METTL13: variants seen among roughly 807,000 people sequenced by gnomAD.
METTL13 encodes eEF1A lysine and N-terminal methyltransferase.
Under a neutral mutation model 67.4 loss-of-function variants are expected in METTL13, and 52 were observed. The observed-to-expected ratio is 0.77, with a 90% CI of 0.62 to 0.97. The LOEUF (loss-of-function observed/expected upper bound fraction) is 0.97, where lower values mean the gene tolerates loss of function less well. Ranked by LOEUF, METTL13 falls within the 50% of genes least tolerant of loss-of-function variation. The pLI, the probability that METTL13 is intolerant of heterozygous loss-of-function variation, is 0.00. For synonymous variants in METTL13, 354 were observed against 353.6 expected (o/e 1.00, Z -0.01); for missense variants, 825 against 889.6 (o/e 0.93, Z 0.92).
chr1:171,784,610 T>G (rs1476064021), intron 2 of METTL13, 111 bp downstream of exon 2: 1 of 1,324,938 alleles, frequency 7.5e-7, no homozygotes, highest in Non-Finnish European at 9.8e-7. Context: ...GATTCTGGAC[T>G]GTTTTTTGTC....
At chr1:171,782,192 TTGG>T in intron 1 of METTL13, 72 bp downstream of exon 1, 5 of 1,348,632 alleles carry the variant, frequency 3.7e-6, no homozygotes, top group Middle Eastern at 2.2e-4. Context: ...AATCTTGCAC[TTGG>T]TGGACAGTGA....
At chr1:171,794,625 T>G in intron 7 of METTL13, 98 bp downstream of exon 7, 1 of 1,529,912 alleles carries the variant, frequency 6.5e-7, no homozygotes, top group South Asian at 1.2e-5. Context: ...GCTCGATCAA[T>G]TTTTCCAAAT....
rs543058788 is a variant in METTL13 at position 171,781,756 on chromosome 1, G to A, written c.-212G>A. The A allele has an allele frequency of 1.8e-4, 254 of 1,380,074 alleles. No homozygotes were observed. In the African/African-American group the frequency reaches 3.3e-3, roughly 18 times the overall value. The allele number at this position is 1,380,074 out of a possible 1,614,324, so 85.5% of individuals were successfully genotyped here. ...ACAGCAGGCGCGGAGGAGGGGGCAA[G>A]CGTGTGTGAGATTCAGTGGTCCATG... is the stretch of plus-strand genomic sequence containing the variant. On this transcript the variant is annotated 5_prime_UTR_variant, in exon 1 of 8. Transcript: ENST00000361735.
At chr1:171,783,612 C>A in intron 1 of METTL13, 128 bp from the exon 2 acceptor site, 2 of 1,085,610 alleles carry the variant, frequency 1.8e-6, no homozygotes, top group Non-Finnish European at 1.3e-6. Context: ...GTCGCTCTTT[C>A]TCTGGCAGTA....
chr1:171,788,371 G>A (rs1044613418), intron 4 of METTL13, among the ~76,000 whole-genome samples: 5 of 152,234 alleles, frequency 3.3e-5, no homozygotes, highest in African/African-American at 1.2e-4. Context: ...AACTGCCTGT[G>A]ATGAAGGAGA....
At chr1:171,786,533 G>A (rs1329567075) in intron 3 of METTL13, among the ~76,000 whole-genome samples, 4 of 152,220 alleles carry the variant, frequency 2.6e-5, no homozygotes, top group African/African-American at 9.6e-5. Flanking sequence ...GAAGGAAACC[G>A]AAGGTTTTTG....
intron 2 of METTL13, 107 bp from the exon 3 acceptor site, chr1:171,785,772 G>A (rs567144894): frequency 1.8e-6 from 2 of 1,140,734 alleles, no homozygotes; most frequent in South Asian, 2.9e-5. Context: ...TCACAGTTGG[G>A]GAAGATGCTG....
rs371404027 is a variant in METTL13, at chr1:171,784,023, T to A, written c.437T>A (p.Val146Asp). The A allele has an allele frequency of 6.2e-7, 1 of 1,614,016 alleles. No individual in the cohort carries two copies. The highest frequency in any genetic ancestry group is 8.5e-7 in the Non-Finnish European group (1 of 1,180,026). ...LQQVDRMLAE[V>D]GRVLQVGGRY... ...CAGGTGGACAGGATGCTGGCTGAGG[T>A]TGGCCGTGTCCTGCAGGTGGGCGGT... The change falls in exon 2 of 8, where the codon GTT becomes GAT. Residue 146 changes from valine to aspartate, a missense_variant. Transcript: ENST00000361735.
chr1:171,794,258 G>C, intron 6 of METTL13, 138 bp from the exon 7 acceptor site: 1 of 1,314,054 alleles, frequency 7.6e-7, no homozygotes, highest in Non-Finnish European at 1.0e-6. Context: ...TGCCCTTACA[G>C]GCAAACCACA....
chr1:171,786,019 G>A lies in METTL13; in HGVS notation c.1054G>A (p.Ala352Thr). ...QQYESMDHIQ[A>T]ELSARVMELA... is the part of the protein sequence containing the mutation. Reference sequence around the variant, plus strand: ...GTATGAAAGCATGGACCACATCCAAGCTGAGCTGTCGGCTAGAGTCATGGA... The same window carrying A: ...GTATGAAAGCATGGACCACATCCAAACTGAGCTGTCGGCTAGAGTCATGGA... The change falls in exon 3 of 8, where the codon GCT (alanine) becomes ACT (threonine). Residue 352 changes from alanine to threonine, a missense_variant. Transcript: ENST00000361735. The A allele has an allele frequency of 6.2e-7, 1 of 1,614,028 alleles. No homozygotes were observed. The highest frequency in any genetic ancestry group is 8.5e-7 in the Non-Finnish European group (1 of 1,179,946).
At chr1:171,795,842 C>T (rs548014767) in intron 7 of METTL13, among the ~76,000 whole-genome samples, 51 of 152,278 alleles carry the variant, frequency 3.3e-4, no homozygotes, top group African/African-American at 1.2e-3. Flanking sequence ...GTAAATTTTA[C>T]TTTCGTAGGG....
Position 171,782,858 on chromosome 1 carries a change from A to G in METTL13, c.153+738A>G, listed in dbSNP as rs7512123. Among the ~76,000 whole-genome samples, 520 of 152,300 alleles carry G rather than the reference A, an allele frequency of 3.4e-3. 3 individuals carry two copies. Among genetic ancestry groups the G allele is most frequent in the Non-Finnish European group, 5.2e-3 (352 of 68,022 alleles). On this transcript the variant is annotated intron_variant, in intron 1 of 7. Transcript: ENST00000361735. ...GAAGTGAAACGTGATAAGTACAACA[A>G]TGGGTTTGGTATAGGTGAGATTGTA... is the stretch of plus-strand genomic sequence containing the variant.
chr1:171,792,275 A>C, intron 6 of METTL13, 40 bp downstream of exon 6: 1 of 1,608,316 alleles, frequency 6.2e-7, no homozygotes, highest in South Asian at 1.1e-5. Context: ...TTGAGGGATG[A>C]TTGATGCGAC....
chr1:171,792,118 G>T lies in METTL13; in HGVS notation c.1576G>T (p.Asp526Tyr), dbSNP rs762043608. ...PKSCIDAVEI[D>Y]PSMLEVATQW... ...GTCCTGCATTGATGCTGTGGAGATCGATCCCTCCATGTTGGAAGTGGCCAC... is the reference window on the plus strand; with the variant it reads ...GTCCTGCATTGATGCTGTGGAGATCTATCCCTCCATGTTGGAAGTGGCCAC... Residue 526 changes from aspartate to tyrosine, a missense_variant, in exon 6 of 8, where the codon GAT (aspartate) becomes TAT (tyrosine). By Grantham distance (160) the Asp-to-Tyr change is radical. Transcript: ENST00000361735. 2.5e-6 allele frequency: 4 copies of T among 1,613,890 alleles called. No homozygotes were observed. Among genetic ancestry groups the T allele is most frequent in the East Asian group, 4.5e-5 (2 of 44,856 alleles).
chr1:171,795,848 T>C (rs1289123216), intron 7 of METTL13, among the ~76,000 whole-genome samples: 1 of 152,192 alleles, frequency 6.6e-6, no homozygotes, highest in African/African-American at 2.4e-5. Flanking sequence ...TTTACTTTCG[T>C]AGGGAATCAC....
chr1:171,787,103 G>C (rs906348601), intron 3 of METTL13, among the ~76,000 whole-genome samples: 1 of 152,088 alleles, frequency 6.6e-6, no homozygotes, highest in African/African-American at 2.4e-5. Context: ...CCTCTGAGGA[G>C]CTTCATTTGT....
At chr1:171,792,424 G>A (rs1453761327) in intron 6 of METTL13, among the ~76,000 whole-genome samples, 189 bp downstream of exon 6, 2 of 152,232 alleles carry the variant, frequency 1.3e-5, no homozygotes. Context: ...TGTTAGGTGT[G>A]AATGTAAAGC....
At position 171,781,907 on chromosome 1, in the gene METTL13, C is replaced by A; in HGVS notation, c.-61C>A. 6.3e-7 allele frequency: 1 copy of A among 1,599,654 alleles called. No individual in the cohort carries two copies. The highest frequency in any genetic ancestry group is 8.5e-7 in the Non-Finnish European group (1 of 1,172,252). On this transcript the variant is annotated 5_prime_UTR_variant, in exon 1 of 8. Coordinates refer to ENST00000361735, the MANE Select transcript of METTL13 (RefSeq NM_015935.5). Reference sequence around the variant, plus strand: ...GAGCCTGCGTGTGGTGGGCAAGCTCCTCAAATGGTATCTCACAGGGAATAG... The same window carrying A: ...GAGCCTGCGTGTGGTGGGCAAGCTCATCAAATGGTATCTCACAGGGAATAG...
intron 3 of METTL13, among the ~76,000 whole-genome samples, chr1:171,786,508 C>T (rs1005621222): frequency 3.9e-5 from 6 of 152,160 alleles, no homozygotes; most frequent in African/African-American, 1.4e-4. Flanking sequence ...CATTGCTGGT[C>T]AGGTGTTTTA....
Sources: gnomAD v4.1 joint callset for allele counts (sites outside exome capture counted in the v4.1 genomes callset) on GRCh38, gnomAD v4.1.1 for gene constraint, MANE v1.5 for transcripts, NCBI Gene and HGNC (gene_info 2026-07-23, HGNC 2026-07-21) for gene names.